The following RANBP2 variants were observed in gnomAD, a reference collection of about 807,000 sequenced individuals.
RANBP2 encodes RAN binding protein 2, also known as E3 SUMO-protein ligase RanBP2.
In RANBP2, 57 loss-of-function variants were observed where a neutral mutation model predicts 303.6. That is an observed-to-expected ratio of 0.19 (90% confidence interval 0.15 to 0.23). The LOEUF (loss-of-function observed/expected upper bound fraction) is 0.23. Among genes scored for constraint, RANBP2 ranks in the 10% least tolerant of loss-of-function variants. RANBP2 has a pLI of 1.00. For synonymous variants in RANBP2, 1,167 were observed against 1,301.5 expected, an observed-to-expected ratio of 0.90 and a Z score of 2.23; for missense variants, 3,138 against 3,780.8, an observed-to-expected ratio of 0.83 and a Z score of 4.46.
At chr2:109,332,781 G>A in the RANBP2 span, among the ~76,000 whole-genome samples, 3 of 152,348 alleles carry the variant, frequency 2.0e-5, no homozygotes, top group Admixed American at 2.0e-4. Context: ...AGGTGCTAGT[G>A]TGGGTGGTGA....
the RANBP2 span, among the ~76,000 whole-genome samples, chr2:109,428,249 A>G: frequency 5.0e-3 from 762 of 152,298 alleles, 5 homozygotes; most frequent in Non-Finnish European, 9.4e-3. Flanking sequence ...GCCACCATCT[A>G]GAGGAGAAAG....
the RANBP2 span, among the ~76,000 whole-genome samples, chr2:108,969,637 TG>T: frequency 2.0e-5 from 3 of 152,352 alleles, no homozygotes; most frequent in South Asian, 6.2e-4. Context: ...ACAGGAATTT[TG>T]CTTTGGGTCA....
the RANBP2 span, among the ~76,000 whole-genome samples, chr2:109,247,050 A>G: frequency 6.6e-6 from 1 of 152,036 alleles, no homozygotes; most frequent in Non-Finnish European, 1.5e-5. Context: ...TCCTGTAGTC[A>G]CAACTACATT....
the RANBP2 span, among the ~76,000 whole-genome samples, chr2:109,727,605 C>T: frequency 2.0e-5 from 3 of 152,304 alleles, no homozygotes; most frequent in South Asian, 2.1e-4. Flanking sequence ...CAACCGGAGG[C>T]TCAGGTCCAG....
chr2:109,539,276 C>T, the RANBP2 span, among the ~76,000 whole-genome samples: 3 of 151,770 alleles, frequency 2.0e-5, no homozygotes, highest in Admixed American at 6.6e-5. Context: ...CCAGCCTGGG[C>T]GACAGAGCAA....
At chr2:109,488,589 C>G in the RANBP2 span, among the ~76,000 whole-genome samples, 11 of 152,338 alleles carry the variant, frequency 7.2e-5, no homozygotes, top group East Asian at 1.7e-3. Flanking sequence ...GGTTCTGCCC[C>G]CGACCCCTCA....
chr2:109,179,137 C>T, the RANBP2 span, among the ~76,000 whole-genome samples: 11 of 151,738 alleles, frequency 7.2e-5, no homozygotes, highest in South Asian at 2.1e-4. Context: ...TGGAAGGAAA[C>T]GAGTAGGATG....
the RANBP2 span, among the ~76,000 whole-genome samples, chr2:109,399,547 G>A: frequency 3.1e-4 from 47 of 152,050 alleles, no homozygotes; most frequent in East Asian, 2.1e-3. Context: ...AGGCCGAGGC[G>A]GGAGGATTGC....
chr2:109,009,689 C>A, the RANBP2 span, among the ~76,000 whole-genome samples: 1 of 145,064 alleles, frequency 6.9e-6, no homozygotes, highest in Non-Finnish European at 1.5e-5. Context: ...CTACGCCTGG[C>A]TGACATTTTT....
downstream of RANBP2, chr2:108,788,782 T>A: frequency 6.3e-7 from 1 of 1,593,126 alleles, no homozygotes; most frequent in Non-Finnish European, 8.5e-7. Context: ...TATTTAGACT[T>A]ATGGCCAGTG....
chr2:109,316,835 G>A, the RANBP2 span, among the ~76,000 whole-genome samples: 114 of 152,326 alleles, frequency 7.5e-4, no homozygotes, highest in Middle Eastern at 3.4e-3. Flanking sequence ...TCTGGCTGCC[G>A]TGGGTCTTTG....
chr2:109,586,203 G>GA, the RANBP2 span, among the ~76,000 whole-genome samples: 4 of 151,878 alleles, frequency 2.6e-5, no homozygotes, highest in Admixed American at 2.6e-4. Flanking sequence ...AATGTCAAGT[G>GA]AAAAAAAAGC....
chr2:109,384,276 C>T, the RANBP2 span, among the ~76,000 whole-genome samples: 3 of 152,104 alleles, frequency 2.0e-5, no homozygotes, highest in African/African-American at 4.8e-5. Context: ...GACACAACAG[C>T]GAAGAAAAGC....
the RANBP2 span, among the ~76,000 whole-genome samples, chr2:109,424,424 AC>A: frequency 6.6e-6 from 1 of 152,206 alleles, no homozygotes; most frequent in Admixed American, 6.5e-5. Context: ...CAGCAGAAAC[AC>A]AGGCAAACCT....
the RANBP2 span, among the ~76,000 whole-genome samples, chr2:109,276,350 A>G: frequency 6.6e-6 from 1 of 152,184 alleles, no homozygotes; most frequent in Non-Finnish European, 1.5e-5. Context: ...TTGATGGCAA[A>G]TATGTGTCCC....
the RANBP2 span, among the ~76,000 whole-genome samples, chr2:108,974,285 A>C: frequency 1.3e-3 from 174 of 136,126 alleles, 1 homozygote; most frequent in African/African-American, 4.8e-3. Context: ...AGCTGAGATC[A>C]CACCACTGCA....
chr2:109,603,978 G>A, the RANBP2 span, among the ~76,000 whole-genome samples: 56 of 151,548 alleles, frequency 3.7e-4, no homozygotes, highest in East Asian at 2.0e-4. Flanking sequence ...TGGCTAACAC[G>A]GTGAAACCCC....
the RANBP2 span, among the ~76,000 whole-genome samples, chr2:109,728,366 T>C: frequency 6.6e-6 from 1 of 152,164 alleles, no homozygotes; most frequent in East Asian, 1.9e-4. Context: ...AGTTAGTATG[T>C]TGTGGGGTAA....
chr2:108,734,185 T>G (rs1695388265), intron 4 of RANBP2, among the ~76,000 whole-genome samples: 1 of 151,118 alleles, frequency 6.6e-6, no homozygotes, highest in African/African-American at 2.4e-5. Flanking sequence ...CGGCTTGGTC[T>G]TGAGAGTTGG....
Sources: gnomAD v4.1 joint callset for allele counts (sites outside exome capture counted in the v4.1 genomes callset) on GRCh38, gnomAD v4.1.1 for gene constraint, MANE v1.5 for transcripts, NCBI Gene and HGNC (gene_info 2026-07-23, HGNC 2026-07-21) for gene names.